Variants in TMEM108 observed in about 807,000 individuals in gnomAD.
TMEM108 encodes the protein transmembrane protein 108.
In TMEM108, 12 loss-of-function variants were observed where a neutral mutation model predicts 35.1. The ratio of observed to expected loss-of-function variants is 0.34; its 90% confidence interval spans 0.22 to 0.55. The LOEUF is 0.55. TMEM108 is among the 20% of genes least tolerant of loss of function. TMEM108 has a pLI of 0.89. For synonymous variants in TMEM108, 287 were observed against 308.6 expected, an observed-to-expected ratio of 0.93 and a Z score of 0.73; for missense variants, 680 against 753.3, an observed-to-expected ratio of 0.90 and a Z score of 1.14.
intron 3 of TMEM108, among the ~76,000 whole-genome samples, chr3:133,367,021 G>A (rs2072519580): frequency 6.6e-6 from 1 of 152,274 alleles, no homozygotes; most frequent in African/African-American, 2.4e-5. Flanking sequence ...TTCACTTAGC[G>A]CCCTCCCCCT....
At chr3:133,095,997 G>T (rs914069419) in intron 2 of TMEM108, among the ~76,000 whole-genome samples, 1 of 152,144 alleles carries the variant, frequency 6.6e-6, no homozygotes, top group Non-Finnish European at 1.5e-5. Context: ...AATTTTTGCT[G>T]TGTGGACCAT....
intron 3 of TMEM108, among the ~76,000 whole-genome samples, chr3:133,349,370 C>G (rs951670291): frequency 1.1e-4 from 17 of 151,902 alleles, no homozygotes; most frequent in African/African-American, 3.9e-4. Flanking sequence ...ACCAGAAGAA[C>G]AAAGAAAACA....
chr3:133,305,085 A>C (rs888558265), intron 3 of TMEM108, among the ~76,000 whole-genome samples: 1 of 152,066 alleles, frequency 6.6e-6, no homozygotes, highest in Non-Finnish European at 1.5e-5. Flanking sequence ...CTCTGATTCA[A>C]AGAAAGAAAA....
chr3:133,141,448 A>C (rs1944639458), intron 2 of TMEM108, among the ~76,000 whole-genome samples: 1 of 152,236 alleles, frequency 6.6e-6, no homozygotes, highest in South Asian at 2.1e-4. Context: ...GGTGGTATGC[A>C]GGAGTCCACT....
At chr3:133,302,781 G>T (rs1196689287) in intron 3 of TMEM108, among the ~76,000 whole-genome samples, 1 of 152,070 alleles carries the variant, frequency 6.6e-6, no homozygotes. Context: ...TACTCGAATT[G>T]TTTGGTAACA....
At chr3:133,073,014 C>G (rs1943694510) in intron 2 of TMEM108, among the ~76,000 whole-genome samples, 1 of 151,970 alleles carries the variant, frequency 6.6e-6, no homozygotes. Flanking sequence ...TTTAAATTGA[C>G]AGATGGAAAT....
At chr3:133,195,538 T>C (rs1367721882) in intron 2 of TMEM108, among the ~76,000 whole-genome samples, 1 of 152,222 alleles carries the variant, frequency 6.6e-6, no homozygotes, top group Non-Finnish European at 1.5e-5. Flanking sequence ...GTTGTGGCTC[T>C]TAACCTACAG....
At chr3:133,255,319 G>A (rs946076526) in intron 3 of TMEM108, among the ~76,000 whole-genome samples, 19 of 151,892 alleles carry the variant, frequency 1.3e-4, no homozygotes, top group African/African-American at 4.4e-4. Context: ...ATTATGAGAC[G>A]ATAGACTACT....
chr3:133,056,968 TAATA>T (rs749344927), intron 2 of TMEM108, among the ~76,000 whole-genome samples: 22 of 152,248 alleles, frequency 1.4e-4, no homozygotes, highest in Non-Finnish European at 2.9e-4. Context: ...GAGTATCATT[TAATA>T]AAGTGCAACA....
intron 3 of TMEM108, among the ~76,000 whole-genome samples, chr3:133,339,333 A>C (rs1333512345): frequency 6.6e-6 from 1 of 151,992 alleles, no homozygotes; most frequent in Non-Finnish European, 1.5e-5. Flanking sequence ...AATAGATTTC[A>C]AGACAAAAGC....
intron 2 of TMEM108, among the ~76,000 whole-genome samples, chr3:133,155,550 G>T (rs991643243): frequency 6.6e-6 from 1 of 152,052 alleles, no homozygotes; most frequent in African/African-American, 2.4e-5. Context: ...TAGCCATTCT[G>T]ACTGATATGA....
chr3:133,289,746 A>G (rs552204376), intron 3 of TMEM108, among the ~76,000 whole-genome samples: 1 of 152,216 alleles, frequency 6.6e-6, no homozygotes, highest in East Asian at 1.9e-4. Flanking sequence ...TTTTTTTCAA[A>G]CGGCTACTAA....
At chr3:133,244,811 G>A (rs919463837) in intron 3 of TMEM108, among the ~76,000 whole-genome samples, 1 of 152,236 alleles carries the variant, frequency 6.6e-6, no homozygotes, top group African/African-American at 2.4e-5. Flanking sequence ...AAGAAGGGCA[G>A]TCTCTGTGCA....
At chr3:133,208,091 A>G (rs577780479) in intron 2 of TMEM108, among the ~76,000 whole-genome samples, 1 of 152,314 alleles carries the variant, frequency 6.6e-6, no homozygotes, top group East Asian at 1.9e-4. Context: ...TAATAGGCCC[A>G]GAAATTCCTG....
rs181942251 is a variant in TMEM108 at position 133,276,772 on chromosome 3, C to G, written c.40+47421C>G. Among the ~76,000 whole-genome samples, 144 of 152,322 alleles carry G rather than the reference C, an allele frequency of 9.5e-4. No individual in the cohort carries two copies. The Middle Eastern group carries it at 0.014, about 14-fold the overall frequency. On this transcript the variant is annotated intron_variant, in intron 3 of 5. Transcript: ENST00000321871. ...GAGGAAGTGCTGCTTTAAGAACCATCTGGCTCACCCAGGTGCAGGGCTGGG... is the reference window on the plus strand; with the variant it reads ...GAGGAAGTGCTGCTTTAAGAACCATGTGGCTCACCCAGGTGCAGGGCTGGG...
intron 3 of TMEM108, among the ~76,000 whole-genome samples, chr3:133,255,426 A>G (rs578123676): frequency 1.3e-4 from 20 of 152,326 alleles, no homozygotes; most frequent in African/African-American, 4.8e-4. Context: ...CAGATTAAAC[A>G]TCTTCTTTAA....
At chr3:133,112,959 C>T (rs757368771) in intron 2 of TMEM108, among the ~76,000 whole-genome samples, 2 of 151,920 alleles carry the variant, frequency 1.3e-5, no homozygotes, top group Admixed American at 1.3e-4. Flanking sequence ...CAAAAAGAAA[C>T]CTAATAAAAA....
In TMEM108 at chr3:133,235,731, C is replaced by A. The variant is rs1293500982; in HGVS notation, c.40+6380C>A. 2.0e-5 allele frequency among the ~76,000 whole-genome samples: 3 copies of A among 152,112 alleles called. No homozygotes were observed. In the East Asian group the frequency reaches 5.8e-4, roughly 29 times the overall value. On this transcript the variant is annotated intron_variant, in intron 3 of 5. Transcript: ENST00000321871. ...TGCTCTAACTAACATTTGTGTGGAA[C>A]CTTCTGGTTCACAAAGCATTTTCCC...
At chr3:133,199,883 G>C (rs2107825331) in intron 2 of TMEM108, among the ~76,000 whole-genome samples, 1 of 152,304 alleles carries the variant, frequency 6.6e-6, no homozygotes, top group African/African-American at 2.4e-5. Flanking sequence ...TACAGAAGCA[G>C]GCAGGCCTCC....
Sources: gnomAD v4.1 joint callset for allele counts (sites outside exome capture counted in the v4.1 genomes callset) on GRCh38, gnomAD v4.1.1 for gene constraint, MANE v1.5 for transcripts, NCBI Gene and HGNC (gene_info 2026-07-23, HGNC 2026-07-21) for gene names.